The following AK4 variants were observed in gnomAD, a reference collection of about 807,000 sequenced individuals.
AK4 encodes adenylate kinase 4, mitochondrial.
In AK4, 13 loss-of-function variants were observed where a neutral mutation model predicts 24.6. That is an observed-to-expected ratio of 0.53 (90% confidence interval 0.34 to 0.84). The LOEUF is 0.84. AK4 is among the 40% of genes least tolerant of loss of function. The probability of loss-of-function intolerance (pLI) is 0.01; values close to 1 mark genes in which losing one functional copy is unlikely to be tolerated. For synonymous variants in AK4, 88 were observed against 107.0 expected (o/e 0.82, Z 1.10); for missense variants, 192 against 288.2 (o/e 0.67, Z 2.42).
chr1:65,172,634 C>T (rs1358694933), intron 1 of AK4, among the ~76,000 whole-genome samples: 2 of 151,988 alleles, frequency 1.3e-5, no homozygotes, highest in South Asian at 2.1e-4. Flanking sequence ...CCTCAGATAT[C>T]CAGGAACTCA....
rs1295210733 is a variant in AK4, at chr1:65,218,919, A to T, written c.431A>T (p.His144Leu). 1.3e-6 allele frequency: 2 copies of T among 1,578,408 alleles called. No individual in the cohort carries two copies. The highest frequency in any genetic ancestry group is 1.4e-5 in the African/African-American group (1 of 72,868). The change falls in exon 3 of 5, where the codon CAT becomes CTT. Residue 144 changes from histidine to leucine, a missense_variant. His to Leu is a moderately conservative substitution (Grantham distance 99, BLOSUM62 -3). Coordinates refer to ENST00000327299, the MANE Select transcript of AK4 (RefSeq NM_013410.4). ...RVYNLDFNPP[H>L]VHGIDDVTGE... is the part of the protein sequence containing the mutation. ...TATAACCTGGACTTCAATCCACCTCATGTACATGTAAGAATATACAAAGTG... is the reference window on the plus strand; with the variant it reads ...TATAACCTGGACTTCAATCCACCTCTTGTACATGTAAGAATATACAAAGTG...
At chr1:65,222,068 G>C (rs1652314761) in intron 3 of AK4, among the ~76,000 whole-genome samples, 1 of 152,176 alleles carries the variant, frequency 6.6e-6, no homozygotes, top group Non-Finnish European at 1.5e-5. Context: ...GCTGGTGGTG[G>C]ATGCCCCGGA....
chr1:65,182,047 C>G (rs1650926700), intron 1 of AK4, among the ~76,000 whole-genome samples: 1 of 152,160 alleles, frequency 6.6e-6, no homozygotes, highest in Admixed American at 6.5e-5. Context: ...TCCAGAGTCG[C>G]TGGGACTACA....
At chr1:65,191,130 G>T (rs532588585) in intron 2 of AK4, among the ~76,000 whole-genome samples, 2 of 152,216 alleles carry the variant, frequency 1.3e-5, no homozygotes, top group East Asian at 3.9e-4. Context: ...TCAATCAGAG[G>T]TTCTTTCATT....
intron 1 of AK4, among the ~76,000 whole-genome samples, chr1:65,184,823 C>T (rs1220490022): frequency 1.3e-5 from 2 of 152,112 alleles, no homozygotes; most frequent in Non-Finnish European, 2.9e-5. Flanking sequence ...GGTCATTTTG[C>T]TTTGTCTGAG....
intron 1 of AK4, chr1:65,149,132 C>T (rs1479411983): frequency 6.6e-6 from 1 of 152,612 alleles, no homozygotes; most frequent in Admixed American, 6.5e-5. Context: ...TTCGTTGTCG[C>T]CTTCTAAGGT....
intron 2 of AK4, among the ~76,000 whole-genome samples, chr1:65,203,030 G>A (rs1209322942): frequency 2.0e-5 from 3 of 151,768 alleles, no homozygotes; most frequent in South Asian, 2.1e-4. Context: ...AGGCCACTAC[G>A]CCTGGCCAAT....
chr1:65,157,047 TAATGAGAA>T (rs1282812400), intron 1 of AK4, among the ~76,000 whole-genome samples: 5 of 152,226 alleles, frequency 3.3e-5, no homozygotes, highest in African/African-American at 1.2e-4. Context: ...AAATGAAATC[TAATGAGAA>T]AAGTACTGTT....
At chr1:65,151,519 G>C (rs899111561) in intron 1 of AK4, among the ~76,000 whole-genome samples, 3 of 152,248 alleles carry the variant, frequency 2.0e-5, no homozygotes, top group South Asian at 2.1e-4. Context: ...GGGATTACAG[G>C]TGTGAGCCAC....
intron 1 of AK4, among the ~76,000 whole-genome samples, chr1:65,173,718 C>G (rs979705900): frequency 6.6e-6 from 1 of 152,042 alleles, no homozygotes; most frequent in African/African-American, 2.4e-5. Context: ...AAATAATTAG[C>G]CAGGCGTGGT....
chr1:65,217,019 T>TC (rs1385331369), intron 2 of AK4, among the ~76,000 whole-genome samples: 1 of 152,174 alleles, frequency 6.6e-6, no homozygotes, highest in African/African-American at 2.4e-5. Flanking sequence ...AACTTTTTAT[T>TC]CCAATTGCCA....
rs2101008413 is a variant in AK4, at chr1:65,171,073, A to G, written c.146-19637A>G. Among the ~76,000 whole-genome samples the G allele has an allele frequency of 1.4e-5, 2 of 146,402 alleles. 1 individual carries two copies. Among genetic ancestry groups the G allele is most frequent in the South Asian group, 4.3e-4 (2 of 4,690 alleles). On this transcript the variant is annotated intron_variant, in intron 1 of 4. Transcript: ENST00000327299. ...GTCACTCAAGAGATCTTCCAACCTC[A>G]GCCTCCCGAGTAGCTCGGACTACAG...
At chr1:65,172,312 A>G (rs1275162152) in intron 1 of AK4, among the ~76,000 whole-genome samples, 3 of 151,554 alleles carry the variant, frequency 2.0e-5, no homozygotes, top group African/African-American at 7.3e-5. Context: ...AAAAAGAAAA[A>G]AGGGAGGGGA....
chr1:65,157,725 G>A (rs931696835), intron 1 of AK4, among the ~76,000 whole-genome samples: 2 of 152,050 alleles, frequency 1.3e-5, no homozygotes, highest in Non-Finnish European at 2.9e-5. Flanking sequence ...AGAGGTTGAG[G>A]TTGAAGTGAT....
rs562640915 is a variant in AK4 at position 65,157,930 on chromosome 1, C to T, written c.145+9378C>T. ...TGAGCTGAGTTTTGACAAATGAGTACAGCTACAAAAAGATGGCATGGTCAT... is the reference window on the plus strand; with the variant it reads ...TGAGCTGAGTTTTGACAAATGAGTATAGCTACAAAAAGATGGCATGGTCAT... On this transcript the variant is annotated intron_variant, in intron 1 of 4. Transcript: ENST00000327299. Among the ~76,000 whole-genome samples the T allele has an allele frequency of 3.9e-5, 6 of 152,278 alleles. No homozygotes were observed. In the East Asian group the frequency reaches 1.2e-3, roughly 29 times the overall value.
intron 3 of AK4, among the ~76,000 whole-genome samples, chr1:65,221,985 CAGAAGAGAAG>C (rs997234701): frequency 1.3e-5 from 2 of 152,074 alleles, no homozygotes; most frequent in Non-Finnish European, 2.9e-5. Context: ...GTTTAATAGG[CAGAAGAGAAG>C]AGAAGAGAAA....
At chr1:65,164,277 C>A (rs1352460799) in intron 1 of AK4, among the ~76,000 whole-genome samples, 1 of 152,180 alleles carries the variant, frequency 6.6e-6, no homozygotes, top group African/African-American at 2.4e-5. Context: ...AGGTTAGAAG[C>A]AAGATGGAGT....
intron 1 of AK4, among the ~76,000 whole-genome samples, chr1:65,149,795 A>T (rs1240965875): frequency 6.6e-6 from 1 of 152,214 alleles, no homozygotes; most frequent in Admixed American, 6.5e-5. Flanking sequence ...AGGAAGAATT[A>T]TGTGTACCAG....
At chr1:65,168,627 C>T (rs1650410979) in intron 1 of AK4, among the ~76,000 whole-genome samples, 1 of 152,132 alleles carries the variant, frequency 6.6e-6, no homozygotes, top group Non-Finnish European at 1.5e-5. Flanking sequence ...TAAATAAACA[C>T]ATTATTTGGA....
Sources: gnomAD v4.1 joint callset for allele counts (sites outside exome capture counted in the v4.1 genomes callset) on GRCh38, gnomAD v4.1.1 for gene constraint, MANE v1.5 for transcripts, NCBI Gene and HGNC (gene_info 2026-07-23, HGNC 2026-07-21) for gene names.